The following ABCC4 variants were observed in gnomAD, a reference collection of about 807,000 sequenced individuals.
The protein encoded by ABCC4 is ATP binding cassette subfamily C member 4 (PEL blood group).
In ABCC4, 102 loss-of-function variants were observed where a neutral mutation model predicts 168.5. That is an observed-to-expected ratio of 0.61 (90% CI 0.52 to 0.71). The LOEUF is 0.71. Ranked by LOEUF, ABCC4 falls within the 30% of genes least tolerant of loss-of-function variation. The probability of loss-of-function intolerance (pLI) is 0.00; values close to 1 mark genes in which losing one functional copy is unlikely to be tolerated. For missense variants in ABCC4, 1,402 were observed against 1,605.8 expected, an observed-to-expected ratio of 0.87 and a Z score of 2.17; for synonymous variants, 617 against 590.7, an observed-to-expected ratio of 1.04 and a Z score of -0.65.
rs140786035 is a variant in ABCC4 at position 95,168,414 on chromosome 13, G to C, written c.1825-2047C>G. ...TTAAGGGTGAGAATTCACTTGCCGG[G>C]ACTTCAGTGGACAGATTCCTCACTG... On this transcript the variant is annotated intron_variant, in intron 14 of 30. Coordinates refer to ENST00000645237, the MANE Select transcript of ABCC4 (RefSeq NM_005845.5). Among the ~76,000 whole-genome samples the C allele has an allele frequency of 1.8e-3, 279 of 152,286 alleles. 7 individuals are homozygous for C. The East Asian group carries it at 0.048, about 26-fold the overall frequency.
intron 8 of ABCC4, among the ~76,000 whole-genome samples, chr13:95,205,046 C>A (rs543899922): frequency 6.6e-6 from 1 of 152,148 alleles, no homozygotes; most frequent in East Asian, 1.9e-4. Flanking sequence ...TTCTTTCTTT[C>A]AAGATGCAAA....
intron 13 of ABCC4, among the ~76,000 whole-genome samples, chr13:95,175,547 A>T (rs1433549959): frequency 1.3e-5 from 2 of 152,174 alleles, no homozygotes; most frequent in Non-Finnish European, 2.9e-5. Flanking sequence ...TCCTCAGGTG[A>T]TCTGCCTGCC....
chr13:95,247,772 A>T lies in ABCC4; in HGVS notation c.75-19T>A, dbSNP rs952766648. On this transcript the variant is annotated intron_variant, in intron 1 of 30. Coordinates refer to ENST00000645237, the MANE Select transcript of ABCC4 (RefSeq NM_005845.5). Reference sequence around the variant, plus strand: ...GAGCCACCTGTTAACAAGAGAAAAGAGACATATATCCAGAATTACACATCC... The same window carrying T: ...GAGCCACCTGTTAACAAGAGAAAAGTGACATATATCCAGAATTACACATCC... 5.7e-6 allele frequency: 9 copies of T among 1,590,826 alleles called. No individual in the cohort carries two copies. The African/African-American group carries it at 1.2e-4, about 21-fold the overall frequency.
rs2041156444 is a variant in ABCC4, at chr13:95,282,706, TG to T, written c.74+18534del. On this transcript the variant is annotated intron_variant, in intron 1 of 30. Coordinates refer to ENST00000645237, the MANE Select transcript of ABCC4 (RefSeq NM_005845.5). ...CACGCCATCATGCCTGGCTAATTTT[TG>T]TATTTTTAGTAGAGACAGGGTTTCA... Among the ~76,000 whole-genome samples the T allele has an allele frequency of 3.3e-5, 5 of 151,686 alleles. No individual in the cohort carries two copies. In the South Asian group the frequency reaches 1.0e-3, roughly 32 times the overall value.
chr13:95,164,027 C>A (rs1729749), intron 16 of ABCC4, among the ~76,000 whole-genome samples: 840 of 82,008 alleles, frequency 0.01, 14 homozygotes, highest in African/African-American at 0.041. Flanking sequence ...GGCAACAGAG[C>A]AAAACTCCAT....
At chr13:95,240,171 G>A (rs1038447520) in intron 3 of ABCC4, among the ~76,000 whole-genome samples, 15 of 152,330 alleles carry the variant, frequency 9.8e-5, no homozygotes, top group Admixed American at 7.8e-4. Flanking sequence ...TCACAAGAGG[G>A]GAGGAGGGAT....
At chr13:95,184,221 T>C (rs908876244) in intron 11 of ABCC4, among the ~76,000 whole-genome samples, 1 of 152,146 alleles carries the variant, frequency 6.6e-6, no homozygotes, top group Admixed American at 6.6e-5. Flanking sequence ...GCAGCCACTG[T>C]CCTAACCCCC....
At chr13:95,083,108 A>T in intron 21 of ABCC4, 32 bp downstream of exon 21, 1 of 1,594,916 alleles carries the variant, frequency 6.3e-7, no homozygotes, top group Non-Finnish European at 8.6e-7. Context: ...ACTAGCTAGC[A>T]TGTCTATACC....
At chr13:95,291,477 A>G (rs4773873) in intron 1 of ABCC4, among the ~76,000 whole-genome samples, 52,639 of 152,000 alleles carry the variant, frequency 0.35, 11,877 homozygotes, top group African/African-American at 0.65. Context: ...TTAATCTAGC[A>G]ACCACAGTGT....
At chr13:95,070,379 G>A (rs1385418168) in intron 25 of ABCC4, among the ~76,000 whole-genome samples, 1 of 152,172 alleles carries the variant, frequency 6.6e-6, no homozygotes, top group Non-Finnish European at 1.5e-5. Context: ...TGAGTGCAGG[G>A]GATGTGTGTC....
chr13:95,292,779 C>A (rs1421640151), intron 1 of ABCC4, among the ~76,000 whole-genome samples: 6 of 152,048 alleles, frequency 3.9e-5, no homozygotes, highest in Non-Finnish European at 1.5e-5. Flanking sequence ...TAGGAGCTAG[C>A]GCAGAGAAAA....
chr13:95,222,283 G>A (rs951237759), intron 4 of ABCC4, among the ~76,000 whole-genome samples: 1 of 152,126 alleles, frequency 6.6e-6, no homozygotes, highest in African/African-American at 2.4e-5. Flanking sequence ...ATACCATAAC[G>A]GCCCACTCCT....
At position 95,157,898 on chromosome 13, in the gene ABCC4, G is replaced by A. The variant is rs149459845; in HGVS notation, c.2455+3291C>T. 5.6e-3 allele frequency among the ~76,000 whole-genome samples: 851 copies of A among 151,726 alleles called. 5 individuals carry two copies. Among genetic ancestry groups the A allele is most frequent in the African/African-American group, 0.019 (800 of 41,262 alleles). On this transcript the variant is annotated intron_variant, in intron 19 of 30. Coordinates refer to ENST00000645237, the MANE Select transcript of ABCC4 (RefSeq NM_005845.5). ...CATCCTGGCCAACACGGTGAAACCC[G>A]TCTCTACTAAAAAAGTACAAAAAAT...
Position 95,283,079 on chromosome 13 carries a change from G to A in ABCC4, c.74+18162C>T, listed in dbSNP as rs375284687. Among the ~76,000 whole-genome samples the A allele has an allele frequency of 1.7e-4, 26 of 151,660 alleles. 1 individual carries two copies. In the East Asian group the frequency reaches 2.2e-3, roughly 13 times the overall value. On this transcript the variant is annotated intron_variant, in intron 1 of 30. Coordinates refer to ENST00000645237, the MANE Select transcript of ABCC4 (RefSeq NM_005845.5). ...AAAATACAAAAAATTAGCCTGGCGC[G>A]GTGGCACGCACCTGTAGTCCCAGCT... is the stretch of plus-strand genomic sequence containing the variant.
chr13:95,179,602 G>A (rs2037823390), intron 11 of ABCC4, among the ~76,000 whole-genome samples: 1 of 152,198 alleles, frequency 6.6e-6, no homozygotes, highest in South Asian at 2.1e-4. Flanking sequence ...CATTACATTA[G>A]AAATCTTTAC....
At chr13:95,247,461 G>A (rs181829550) in intron 2 of ABCC4, among the ~76,000 whole-genome samples, 182 bp downstream of exon 2, 2 of 152,256 alleles carry the variant, frequency 1.3e-5, no homozygotes, top group Admixed American at 1.3e-4. Context: ...GGAGGCACAG[G>A]CAACAGGAGT....
intron 25 of ABCC4, among the ~76,000 whole-genome samples, chr13:95,064,260 G>GTATATATATATATATATA (rs753635232): frequency 4.7e-5 from 1 of 21,502 alleles, no homozygotes; most frequent in African/African-American, 2.2e-4. Flanking sequence ...GTGTGTGTGT[G>GTATATATATATATATATA]TATATATATA....
intron 27 of ABCC4, among the ~76,000 whole-genome samples, chr13:95,046,294 C>A (rs2032575636): frequency 1.3e-5 from 2 of 152,186 alleles, no homozygotes. Flanking sequence ...CTCACACTTG[C>A]CCTTGATTAA....
At chr13:95,034,782 G>A in intron 29 of ABCC4, 43 bp from the exon 30 acceptor site, 1 of 1,612,508 alleles carries the variant, frequency 6.2e-7, no homozygotes, top group Non-Finnish European at 8.5e-7. Flanking sequence ...ACAATGTTTT[G>A]CAGTAACATA....
Sources: gnomAD v4.1 joint callset for allele counts (sites outside exome capture counted in the v4.1 genomes callset) on GRCh38, gnomAD v4.1.1 for gene constraint, MANE v1.5 for transcripts, NCBI Gene and HGNC (gene_info 2026-07-23, HGNC 2026-07-21) for gene names.